Variants in APBA1 observed in about 807,000 individuals in gnomAD.
APBA1 encodes the protein amyloid-beta A4 precursor protein-binding family A member 1.
APBA1 carries 55 observed loss-of-function variants against 86.6 expected under a neutral mutation model. The ratio of observed to expected loss-of-function variants is 0.64; its 90% CI spans 0.51 to 0.80. The LOEUF (loss-of-function observed/expected upper bound fraction) is 0.80, where lower values mean the gene tolerates loss of function less well. APBA1 is among the 30% of genes least tolerant of loss of function. The pLI is 0.00. For synonymous variants in APBA1, 511 were observed against 493.9 expected, an observed-to-expected ratio of 1.03 and a Z score of -0.46; for missense variants, 1,090 against 1,183.0, an observed-to-expected ratio of 0.92 and a Z score of 1.15.
At chr9:69,539,164 C>T (rs1471052223) in intron 1 of APBA1, among the ~76,000 whole-genome samples, 1 of 152,210 alleles carries the variant, frequency 6.6e-6, no homozygotes, top group Non-Finnish European at 1.5e-5. Flanking sequence ...CAGGTGATCA[C>T]ATGAAGGCTC....
chr9:69,467,468 A>T (rs1835297211), intron 5 of APBA1, among the ~76,000 whole-genome samples: 1 of 152,188 alleles, frequency 6.6e-6, no homozygotes, highest in African/African-American at 2.4e-5. Flanking sequence ...AATGTTTGCC[A>T]CTGACCTCCA....
intron 1 of APBA1, among the ~76,000 whole-genome samples, chr9:69,560,974 C>G (rs1295185218): frequency 6.6e-6 from 1 of 152,096 alleles, no homozygotes; most frequent in African/African-American, 2.4e-5. Flanking sequence ...CACACAGACA[C>G]AGAAAAATAT....
Position 69,537,734 on chromosome 9 carries a change from A to T in APBA1, c.-69-20455T>A, listed in dbSNP as rs576098235. 3.3e-5 allele frequency among the ~76,000 whole-genome samples: 5 copies of T among 151,650 alleles called. No individual in the cohort carries two copies. The East Asian group carries it at 9.7e-4, about 29-fold the overall frequency. ...TAAGGTGGCCCTTTTTCACAAGCTT[A>T]TTGGCCACTGCATTTCCCTTTCTGT... is the stretch of plus-strand genomic sequence containing the variant. On this transcript the variant is annotated intron_variant, in intron 1 of 12. Coordinates refer to ENST00000265381, the MANE Select transcript of APBA1 (RefSeq NM_001163.4).
chr9:69,660,314 T>C (rs1323303239), intron 1 of APBA1, among the ~76,000 whole-genome samples: 4 of 152,168 alleles, frequency 2.6e-5, no homozygotes, highest in South Asian at 2.1e-4. Flanking sequence ...TATAGTCAAA[T>C]GCATGGAGTT....
At chr9:69,638,285 G>A (rs1289786550) in intron 1 of APBA1, among the ~76,000 whole-genome samples, 1 of 152,182 alleles carries the variant, frequency 6.6e-6, no homozygotes, top group Non-Finnish European at 1.5e-5. Flanking sequence ...CTGTCATCCA[G>A]GCTGGATTGC....
chr9:69,525,132 A>AT (rs1264336505), intron 1 of APBA1, among the ~76,000 whole-genome samples: 2 of 152,220 alleles, frequency 1.3e-5, no homozygotes, highest in Non-Finnish European at 2.9e-5. Flanking sequence ...ATCATACTAA[A>AT]TGGGCAAAAA....
intron 2 of APBA1, among the ~76,000 whole-genome samples, chr9:69,485,083 T>G (rs1339602512): frequency 6.6e-6 from 1 of 151,702 alleles, no homozygotes; most frequent in Non-Finnish European, 1.5e-5. Context: ...CCAAAAACAC[T>G]GGGGTTACAG....
chr9:69,442,034 G>T (rs1474150036), intron 10 of APBA1, among the ~76,000 whole-genome samples: 1 of 152,174 alleles, frequency 6.6e-6, no homozygotes, highest in Non-Finnish European at 1.5e-5. Flanking sequence ...CTTGCCCTCT[G>T]CTGGGTGGTG....
intron 1 of APBA1, among the ~76,000 whole-genome samples, chr9:69,620,859 G>A (rs1429890683): frequency 6.6e-6 from 1 of 152,144 alleles, no homozygotes; most frequent in African/African-American, 2.4e-5. Flanking sequence ...GGCTGGTGCG[G>A]TCACACGAAG....
In APBA1 at chr9:69,516,622, C is replaced by A. The variant is rs780799579; in HGVS notation, c.589G>T (p.Val197Leu). ...YADYGGLQEH[V>L]YEEIGDAPEL... Reference sequence around the variant, plus strand: ...GGCGCGTCCCCTATCTCCTCGTACACGTGCTCCTGGAGGCCGCCGTAGTCG... The same window carrying A: ...GGCGCGTCCCCTATCTCCTCGTACAAGTGCTCCTGGAGGCCGCCGTAGTCG... The change falls in exon 2 of 13, where the codon GTG becomes TTG. Residue 197 changes from valine to leucine, a missense_variant. Physicochemically the swap from Val to Leu is conservative, Grantham distance 32. Transcript: ENST00000265381. This position sits in a 1 kb window ranked among gnomAD's most constrained non-coding sequence, Gnocchi z 7.3. The A allele has an allele frequency of 1.2e-5, 19 of 1,607,218 alleles. No individual in the cohort carries two copies. Among genetic ancestry groups the A allele is most frequent in the Non-Finnish European group, 1.5e-5 (18 of 1,179,228 alleles).
At chr9:69,486,689 T>C (rs193191163) in intron 2 of APBA1, among the ~76,000 whole-genome samples, 39 of 151,866 alleles carry the variant, frequency 2.6e-4, no homozygotes, top group African/African-American at 9.4e-4. Context: ...CAGAGGAAGA[T>C]ACTGGAAACA....
At chr9:69,611,864 T>C (rs775130016) in intron 1 of APBA1, among the ~76,000 whole-genome samples, 5 of 152,218 alleles carry the variant, frequency 3.3e-5, no homozygotes, top group Non-Finnish European at 7.4e-5. Flanking sequence ...AGTGCTATAT[T>C]AACTATATAG....
At chr9:69,573,046 G>A (rs1307855296) in intron 1 of APBA1, among the ~76,000 whole-genome samples, 1 of 152,170 alleles carries the variant, frequency 6.6e-6, no homozygotes, top group Non-Finnish European at 1.5e-5. Context: ...TGTACTCCCA[G>A]CTGCTCAGGA....
At chr9:69,535,392 C>T (rs903317916) in intron 1 of APBA1, among the ~76,000 whole-genome samples, 1 of 152,168 alleles carries the variant, frequency 6.6e-6, no homozygotes, top group South Asian at 2.1e-4. Context: ...TAACTCCTAT[C>T]CCTTGGTAGT....
At chr9:69,485,119 A>G (rs957917818) in intron 2 of APBA1, among the ~76,000 whole-genome samples, 1 of 151,906 alleles carries the variant, frequency 6.6e-6, no homozygotes, top group Non-Finnish European at 1.5e-5. Flanking sequence ...GCTGGCCTCA[A>G]TTTGCATTTT....
At chr9:69,620,011 C>G (rs1244706701) in intron 1 of APBA1, among the ~76,000 whole-genome samples, 1 of 152,140 alleles carries the variant, frequency 6.6e-6, no homozygotes, top group East Asian at 1.9e-4. Context: ...TTCCCAATAC[C>G]CAAAACAAGC....
chr9:69,637,249 G>A (rs1227072862), intron 1 of APBA1, among the ~76,000 whole-genome samples: 1 of 152,158 alleles, frequency 6.6e-6, no homozygotes, highest in Non-Finnish European at 1.5e-5. Context: ...AAGTAGGGAT[G>A]ATTAATGGAC....
At chr9:69,668,023 C>T (rs1274902912) in intron 1 of APBA1, among the ~76,000 whole-genome samples, 1 of 152,144 alleles carries the variant, frequency 6.6e-6, no homozygotes, top group Non-Finnish European at 1.5e-5. Context: ...CATTTTTCTC[C>T]AATTGCCCCT....
chr9:69,554,151 G>A (rs572622058), intron 1 of APBA1, among the ~76,000 whole-genome samples: 1 of 152,294 alleles, frequency 6.6e-6, no homozygotes, highest in East Asian at 1.9e-4. Flanking sequence ...TGTTTACAGT[G>A]TCAATAAAAT....
Sources: gnomAD v4.1 joint callset for allele counts (sites outside exome capture counted in the v4.1 genomes callset) on GRCh38, gnomAD v4.1.1 for gene constraint, Gnocchi (gnomAD v3.1) non-coding constraint, MANE v1.5 for transcripts, NCBI Gene and HGNC (gene_info 2026-07-23, HGNC 2026-07-21) for gene names.